Variants in FSTL5 observed in about 807,000 individuals in gnomAD.
The protein encoded by FSTL5 is follistatin like 5.
Under a neutral mutation model 89.1 loss-of-function variants are expected in FSTL5, and 62 were observed. That is an observed-to-expected ratio of 0.70 (90% CI 0.57 to 0.86). The LOEUF is 0.86. Ranked by LOEUF, FSTL5 falls within the 40% of genes least tolerant of loss-of-function variation. FSTL5 has a pLI of 0.00. For synonymous variants in FSTL5, 383 were observed against 346.2 expected, an observed-to-expected ratio of 1.11 and a Z score of -1.18; for missense variants, 1,057 against 1,001.6, an observed-to-expected ratio of 1.06 and a Z score of -0.75.
intron 10 of FSTL5, among the ~76,000 whole-genome samples, chr4:161,516,049 C>T (rs1730816403): frequency 1.3e-5 from 2 of 149,964 alleles, no homozygotes; most frequent in African/African-American, 2.4e-5. Flanking sequence ...TGTGAACAAG[C>T]TTACTAAATG....
intron 3 of FSTL5, among the ~76,000 whole-genome samples, chr4:161,982,809 C>T (rs1735860917): frequency 6.6e-6 from 1 of 152,144 alleles, no homozygotes; most frequent in Non-Finnish European, 1.5e-5. Context: ...TATTCATGGA[C>T]TCCTTGTTAG....
At chr4:161,779,759 T>A (rs13129204) in intron 4 of FSTL5, among the ~76,000 whole-genome samples, 52 of 31,162 alleles carry the variant, frequency 1.7e-3, no homozygotes, top group African/African-American at 0.01. Flanking sequence ...ATTTGTAAAG[T>A]TATATATATA....
chr4:161,772,565 A>G (rs1741246205), intron 5 of FSTL5, among the ~76,000 whole-genome samples: 1 of 152,208 alleles, frequency 6.6e-6, no homozygotes, highest in Non-Finnish European at 1.5e-5. Context: ...AACCAAGCTG[A>G]GAATCAAATC....
At chr4:161,432,241 T>G in intron 15 of FSTL5, among the ~76,000 whole-genome samples, 1 of 152,084 alleles carries the variant, frequency 6.6e-6, no homozygotes. Flanking sequence ...AAAAAACTGA[T>G]ATAATATCAA....
chr4:161,707,507 A>C lies in FSTL5; in HGVS notation c.728-51013T>G, dbSNP rs561458663. Reference sequence around the variant, plus strand: ...TGCCATAAAATTTGTTACGGCATAAAGACGGAGGATGCACTGCATATAATA... The same window carrying C: ...TGCCATAAAATTTGTTACGGCATAACGACGGAGGATGCACTGCATATAATA... On this transcript the variant is annotated intron_variant, in intron 6 of 15. Coordinates refer to ENST00000306100, the MANE Select transcript of FSTL5 (RefSeq NM_020116.5). Among the ~76,000 whole-genome samples the C allele has an allele frequency of 5.3e-5, 8 of 152,046 alleles. No homozygotes were observed. The East Asian group carries it at 1.5e-3, about 29-fold the overall frequency.
chr4:161,454,953 T>C (rs1733296416), intron 15 of FSTL5, 51 bp downstream of exon 15: 1 of 1,550,116 alleles, frequency 6.5e-7, no homozygotes, highest in African/African-American at 1.4e-5. Context: ...TGGCTTTCTA[T>C]TATAATAGAG....
intron 4 of FSTL5, among the ~76,000 whole-genome samples, chr4:161,794,503 G>T (rs145615872): frequency 6.6e-6 from 1 of 152,236 alleles, no homozygotes; most frequent in East Asian, 1.9e-4. Flanking sequence ...AGGAGCTGAA[G>T]AAAAATATGC....
intron 4 of FSTL5, among the ~76,000 whole-genome samples, chr4:161,865,875 G>C (rs1026426719): frequency 1.3e-5 from 2 of 152,178 alleles, no homozygotes; most frequent in African/African-American, 4.8e-5. Flanking sequence ...ATATTTAGTG[G>C]ACTTCTCTTT....
intron 3 of FSTL5, among the ~76,000 whole-genome samples, chr4:161,992,001 C>A (rs1736125857): frequency 6.6e-6 from 1 of 152,150 alleles, no homozygotes; most frequent in Non-Finnish European, 1.5e-5. Context: ...CAGGAAGAGG[C>A]CACCTGCGGT....
chr4:161,798,736 G>A (rs1729707870), intron 4 of FSTL5, among the ~76,000 whole-genome samples: 1 of 150,900 alleles, frequency 6.6e-6, no homozygotes, highest in Non-Finnish European at 1.5e-5. Flanking sequence ...GACCCATTTG[G>A]AAATCTAAAA....
rs371046716 is a variant in FSTL5, at chr4:161,974,418, A to G, written c.161-53766T>C. Among the ~76,000 whole-genome samples, 1,875 of 144,972 alleles carry G rather than the reference A, an allele frequency of 0.013. 103 individuals carry two copies. In the East Asian group the frequency reaches 0.2, roughly 15 times the overall value. ...CCAAAACAGAGATATAGATCAATGGAACAGAACAGAGCCCTCAGAAATAAC... is the reference window on the plus strand; with the variant it reads ...CCAAAACAGAGATATAGATCAATGGGACAGAACAGAGCCCTCAGAAATAAC... On this transcript the variant is annotated intron_variant, in intron 3 of 15. Coordinates refer to ENST00000306100, the MANE Select transcript of FSTL5 (RefSeq NM_020116.5).
intron 8 of FSTL5, among the ~76,000 whole-genome samples, chr4:161,549,637 G>A (rs1247117310): frequency 1.3e-5 from 2 of 151,856 alleles, no homozygotes; most frequent in African/African-American, 2.4e-5. Context: ...AAATAAAGAA[G>A]AGGACTCCAG....
At chr4:161,398,906 T>C (rs1731089934) in intron 15 of FSTL5, among the ~76,000 whole-genome samples, 1 of 152,106 alleles carries the variant, frequency 6.6e-6, no homozygotes, top group African/African-American at 2.4e-5. Context: ...GTAGGAAACA[T>C]TTTAAGCAAT....
chr4:161,505,989 C>T (rs1300390262), intron 11 of FSTL5, among the ~76,000 whole-genome samples: 5 of 152,078 alleles, frequency 3.3e-5, no homozygotes, highest in African/African-American at 9.7e-5. Context: ...GACTAAATCT[C>T]ATGTATTCAG....
chr4:161,473,461 T>A (rs1282140585), intron 13 of FSTL5, among the ~76,000 whole-genome samples: 1 of 144,910 alleles, frequency 6.9e-6, no homozygotes, highest in African/African-American at 2.6e-5. Context: ...AGTCCCACTC[T>A]GTCTCCCAGG....
chr4:161,765,727 G>A (rs1740969706), intron 5 of FSTL5, among the ~76,000 whole-genome samples: 1 of 151,912 alleles, frequency 6.6e-6, no homozygotes, highest in African/African-American at 2.4e-5. Flanking sequence ...CTGTGAATAA[G>A]TAGTTCTTTT....
In FSTL5 at chr4:161,835,062, G is replaced by C. The variant is rs548999453; in HGVS notation, c.410-58988C>G. Among the ~76,000 whole-genome samples the C allele has an allele frequency of 1.0e-3, 148 of 141,410 alleles. 14 individuals are homozygous for C. The highest frequency in any genetic ancestry group is 3.8e-3 in the African/African-American group (135 of 35,956). 92.8% of individuals were successfully genotyped at this position (141,410 alleles called of 152,430 possible). ...ACTTGACTTCAAACTATACTATAAG[G>C]CTACAGTAACCAAAACAGCATGGTA... On this transcript the variant is annotated intron_variant, in intron 4 of 15. Coordinates refer to ENST00000306100, the MANE Select transcript of FSTL5 (RefSeq NM_020116.5).
chr4:162,140,982 G>T (rs954986240), intron 1 of FSTL5, among the ~76,000 whole-genome samples: 1 of 152,026 alleles, frequency 6.6e-6, no homozygotes, highest in Non-Finnish European at 1.5e-5. Context: ...TTTGGGTCAT[G>T]GGGGTAGATC....
chr4:161,830,380 T>C (rs1452939820), intron 4 of FSTL5, among the ~76,000 whole-genome samples: 1 of 152,088 alleles, frequency 6.6e-6, no homozygotes, highest in Non-Finnish European at 1.5e-5. Flanking sequence ...AATTGGATTT[T>C]TTAATGAGTG....
Sources: allele counts gnomAD v4.1 joint callset (sites outside exome capture counted in the v4.1 genomes callset), GRCh38; gene constraint gnomAD v4.1.1; transcripts MANE v1.5; gene names NCBI Gene and HGNC (gene_info 2026-07-23, HGNC 2026-07-21).